Variants in SERTM2 observed in about 807,000 individuals in gnomAD.
SERTM2 encodes the protein serine-rich and transmembrane domain-containing protein 2.
rs1232475603 is a variant in SERTM2, at chrX:111,516,191, T to TGTATGCCTCTGTCTTCTCCTC, written c.-783-1883_-783-1863dup. ...CTAATCTCTGCCTCTGTCTTCTGCT[T>TGTATGCCTCTGTCTTCTCCTC]GTATGCCTCTGTCTTCTCCTCTTCT... On this transcript the variant is annotated intron_variant, in intron 2 of 2. Coordinates refer to ENST00000569275, the MANE Select transcript of SERTM2 (RefSeq NM_001354473.2). 6.5e-4 allele frequency among the ~76,000 whole-genome samples: 68 copies of TGTATGCCTCTGTCTTCTCCTC among 104,422 alleles called. No individual in the cohort carries two copies. In the East Asian group the frequency reaches 0.016, roughly 25 times the overall value. The allele number at this position is 104,422 out of a possible 115,157, so 90.7% of individuals were successfully genotyped here. A position where few individuals can be genotyped will look rare whatever the true frequency, so the allele number is the denominator to read the frequency against.
At position 111,518,965 on chromosome X, in the gene SERTM2, C is replaced by T. The variant is rs779152236; in HGVS notation, c.108C>T (p.Tyr36=). ...CTTCAGACAAGTATTCCAACCTGTA[C>T]ATGTATGTGGGCTTATTCCTGAGCC... ...DTSSDKYSNL[Y]MYVGLFLSLL... The change falls in exon 3 of 3, where the codon TAC becomes TAT. Residue 36 remains tyrosine, a synonymous_variant. Transcript: ENST00000569275. 47 of 296,112 alleles carry T rather than the reference C, an allele frequency of 1.6e-4. No homozygotes were observed. Among genetic ancestry groups the T allele is most frequent in the South Asian group, 1.0e-3 (5 of 4,852 alleles). The allele number at this position is 296,112 out of a possible 1,213,427, so 24.4% of individuals were successfully genotyped here.
At chrX:111,516,720 A>G (rs1018441021) in intron 2 of SERTM2, among the ~76,000 whole-genome samples, 1 of 111,381 alleles carries the variant, frequency 9.0e-6, no homozygotes, top group Non-Finnish European at 1.9e-5. Flanking sequence ...ACTAAGAAAA[A>G]TATGGATTAT....
chrX:111,512,623 G>T (rs1276863204), intron 2 of SERTM2, among the ~76,000 whole-genome samples: 1 of 111,857 alleles, frequency 8.9e-6, no homozygotes, highest in Non-Finnish European at 1.9e-5. Context: ...ACCTAAAAAA[G>T]TGTCTGGAAC....
intron 2 of SERTM2, among the ~76,000 whole-genome samples, chrX:111,516,667 A>G (rs1049289612): frequency 1.8e-5 from 2 of 110,839 alleles, no homozygotes; most frequent in Non-Finnish European, 3.8e-5. Context: ...TTTCTTATGA[A>G]CCAAGTTATT....
chrX:111,515,042 C>G (rs922652657), intron 2 of SERTM2, among the ~76,000 whole-genome samples: 1 of 110,351 alleles, frequency 9.1e-6, no homozygotes, highest in African/African-American at 3.3e-5. Context: ...TATTCTCAAT[C>G]TTAAAGTTGG....
At position 111,521,817 on chromosome X, in the gene SERTM2, T is replaced by C. The variant is rs1034804645; in HGVS notation, c.*2687T>C. On this transcript the variant is annotated 3_prime_UTR_variant, in exon 3 of 3. Transcript: ENST00000569275. ...AATTGCCATTTGATAGGCCAAAAAA[T>C]GCTCAAATATCACCAACTTCATAAA... 9.9e-5 allele frequency: 11 copies of C among 111,215 alleles called. No homozygotes were observed. Among genetic ancestry groups the C allele is most frequent in the African/African-American group, 3.6e-4 (11 of 30,540 alleles). 9.2% of individuals were successfully genotyped at this position (111,215 alleles called of 1,213,427 possible).
In SERTM2 at chrX:111,520,918, T is replaced by A. The variant is rs753091034; in HGVS notation, c.*1788T>A. 8.9e-6 allele frequency: 1 copy of A among 112,116 alleles called. No individual in the cohort carries two copies. The highest frequency in any genetic ancestry group is 2.8e-4 in the East Asian group (1 of 3,550). The allele number at this position is 112,116 out of a possible 1,213,427, so 9.2% of individuals were successfully genotyped here. A position where few individuals can be genotyped will look rare whatever the true frequency, so the allele number is the denominator to read the frequency against. On this transcript the variant is annotated 3_prime_UTR_variant, in exon 3 of 3. Transcript: ENST00000569275. ...GTGTTTATTCAACACCCAGATTCAG[T>A]GGACCCTTTAAAATTTGAGCTTTGG... is the stretch of plus-strand genomic sequence containing the variant.
chrX:111,518,385 G>A lies in SERTM2; in HGVS notation c.-473G>A, dbSNP rs1231496900. On this transcript the variant is annotated 5_prime_UTR_variant, in exon 3 of 3. Transcript: ENST00000569275. ...AAAGCCTTCAGATAGTCTCCTCGCAGAAGAGCCCAATTAAGTCCACATAAT... is the reference window on the plus strand; with the variant it reads ...AAAGCCTTCAGATAGTCTCCTCGCAAAAGAGCCCAATTAAGTCCACATAAT... The A allele has an allele frequency of 8.9e-6, 1 of 112,910 alleles. No individual in the cohort carries two copies. Among genetic ancestry groups the A allele is most frequent in the Non-Finnish European group, 1.8e-5 (1 of 54,068 alleles). 9.3% of individuals were successfully genotyped at this position (112,910 alleles called of 1,213,427 possible).
In SERTM2 at chrX:111,518,601, T is replaced by A; in HGVS notation, c.-257T>A. 1 of 281,319 alleles carries A rather than the reference T, an allele frequency of 3.6e-6. No individual in the cohort carries two copies. The highest frequency in any genetic ancestry group is 6.2e-6 in the Non-Finnish European group (1 of 160,212). 23.2% of individuals were successfully genotyped at this position (281,319 alleles called of 1,213,427 possible). The stretch of plus-strand genomic sequence containing the variant: ...GAAAATAAAACATTACTTGTATTTT[T>A]AAAAATTGATTAAGAAGCTCTGATA... On this transcript the variant is annotated 5_prime_UTR_variant, in exon 3 of 3. Transcript: ENST00000569275.
At chrX:111,516,132 T>C (rs187951333) in intron 2 of SERTM2, among the ~76,000 whole-genome samples, 1 of 106,005 alleles carries the variant, frequency 9.4e-6, no homozygotes, top group Non-Finnish European at 1.9e-5. Flanking sequence ...TTGCTGGCAA[T>C]CCTCAGCATT....
Position 111,520,800 on chromosome X carries a change from A to T in SERTM2, c.*1670A>T, listed in dbSNP as rs1930399504. The T allele has an allele frequency of 8.9e-6, 1 of 112,425 alleles. No homozygotes were observed. 9.3% of individuals were successfully genotyped at this position (112,425 alleles called of 1,213,427 possible). On this transcript the variant is annotated 3_prime_UTR_variant, in exon 3 of 3. Coordinates refer to ENST00000569275, the MANE Select transcript of SERTM2 (RefSeq NM_001354473.2). ...GGAGCTGCACTCTGCATCATTCAAAACAAATTAGCAGATAGGCTAAGACTT... is the reference window on the plus strand; with the variant it reads ...GGAGCTGCACTCTGCATCATTCAAATCAAATTAGCAGATAGGCTAAGACTT...
rs939774254 is a variant in SERTM2 at position 111,522,214 on chromosome X, G to A, written c.*3084G>A. 1 of 111,606 alleles carries A rather than the reference G, an allele frequency of 9.0e-6. No individual in the cohort carries two copies. Among genetic ancestry groups the A allele is most frequent in the African/African-American group, 3.3e-5 (1 of 30,698 alleles). 9.2% of individuals were successfully genotyped at this position (111,606 alleles called of 1,213,427 possible). A position where few individuals can be genotyped will look rare whatever the true frequency, so the allele number is the denominator to read the frequency against. On this transcript the variant is annotated 3_prime_UTR_variant, in exon 3 of 3. Coordinates refer to ENST00000569275, the MANE Select transcript of SERTM2 (RefSeq NM_001354473.2). ...TAATACATTTTATTCACTTGCATTT[G>A]TACAAAAGAACTTTTTTTTAACAAA... is the stretch of plus-strand genomic sequence containing the variant.
rs1930349292 is a variant in SERTM2, at chrX:111,518,142, A to T, written c.-716A>T. 1 of 111,416 alleles carries T rather than the reference A, an allele frequency of 9.0e-6. No homozygotes were observed. Among genetic ancestry groups the T allele is most frequent in the African/African-American group, 3.3e-5 (1 of 30,652 alleles). The allele number at this position is 111,416 out of a possible 1,213,427, so 9.2% of individuals were successfully genotyped here. On this transcript the variant is annotated 5_prime_UTR_variant, in exon 3 of 3. Coordinates refer to ENST00000569275, the MANE Select transcript of SERTM2 (RefSeq NM_001354473.2). ...TGAGCCTAGGCCTACTGCTGTCAGC[A>T]TCTCTGAGACCTCTCTCACCTGAGA...
intron 2 of SERTM2, among the ~76,000 whole-genome samples, chrX:111,513,451 G>C (rs757208019): frequency 8.7e-4 from 97 of 111,536 alleles, no homozygotes; most frequent in Non-Finnish European, 1.3e-3. Context: ...ATATCCTTCA[G>C]AATTAATAGA....
In SERTM2 at chrX:111,519,954, A is replaced by G. The variant is rs1168941778; in HGVS notation, c.*824A>G. The G allele has an allele frequency of 9.0e-6, 1 of 111,702 alleles. No individual in the cohort carries two copies. Among genetic ancestry groups the G allele is most frequent in the East Asian group, 2.8e-4 (1 of 3,568 alleles). 9.2% of individuals were successfully genotyped at this position (111,702 alleles called of 1,213,427 possible). A position where few individuals can be genotyped will look rare whatever the true frequency, so the allele number is the denominator to read the frequency against. On this transcript the variant is annotated 3_prime_UTR_variant, in exon 3 of 3. Coordinates refer to ENST00000569275, the MANE Select transcript of SERTM2 (RefSeq NM_001354473.2). ...TGATGTTGGTATTCTGTTGTTGAATATGGCTTTGGACAAAACATTCAAGCC... is the reference window on the plus strand; with the variant it reads ...TGATGTTGGTATTCTGTTGTTGAATGTGGCTTTGGACAAAACATTCAAGCC...
chrX:111,517,426 A>G (rs1033165767), intron 2 of SERTM2, among the ~76,000 whole-genome samples: 1 of 110,929 alleles, frequency 9.0e-6, no homozygotes, highest in Non-Finnish European at 1.9e-5. Flanking sequence ...CTTTTCTTCT[A>G]TCTCTCTTAT....
In SERTM2 at chrX:111,518,847, A is replaced by C. The variant is rs1160920390; in HGVS notation, c.-11A>C. 3.4e-6 allele frequency: 1 copy of C among 295,871 alleles called. No homozygotes were observed. The highest frequency in any genetic ancestry group is 2.7e-5 in the African/African-American group (1 of 36,439). 24.4% of individuals were successfully genotyped at this position (295,871 alleles called of 1,213,427 possible). A position where few individuals can be genotyped will look rare whatever the true frequency, so the allele number is the denominator to read the frequency against. ...TCAAATAGAAACACATACTAACTCAAGTCTTGAGTGATGATGGAGGCGCAT... is the reference window on the plus strand; with the variant it reads ...TCAAATAGAAACACATACTAACTCACGTCTTGAGTGATGATGGAGGCGCAT... On this transcript the variant is annotated 5_prime_UTR_variant, in exon 3 of 3. Transcript: ENST00000569275.
chrX:111,518,819 A>G lies in SERTM2; in HGVS notation c.-39A>G, dbSNP rs1434072213. 4.1e-5 allele frequency: 12 copies of G among 295,624 alleles called. No homozygotes were observed. Among genetic ancestry groups the G allele is most frequent in the Non-Finnish European group, 5.9e-5 (10 of 169,774 alleles). The allele number at this position is 295,624 out of a possible 1,213,427, so 24.4% of individuals were successfully genotyped here. A position where few individuals can be genotyped will look rare whatever the true frequency, so the allele number is the denominator to read the frequency against. On this transcript the variant is annotated 5_prime_UTR_variant, in exon 3 of 3. Transcript: ENST00000569275. ...CTGTGAAATGCCTCAAGGGCAGTAG[A>G]AATCAAATAGAAACACATACTAACT...
At position 111,519,399 on chromosome X, in the gene SERTM2, G is replaced by A. The variant is rs775632390; in HGVS notation, c.*269G>A. ...TTCCATAGTAACCAAACAGTGCCTG[G>A]GCCTTGCACAAACCTCAGACCACAG... On this transcript the variant is annotated 3_prime_UTR_variant, in exon 3 of 3. Coordinates refer to ENST00000569275, the MANE Select transcript of SERTM2 (RefSeq NM_001354473.2). 1 of 185,778 alleles carries A rather than the reference G, an allele frequency of 5.4e-6. No homozygotes were observed. Among genetic ancestry groups the A allele is most frequent in the East Asian group, 9.6e-5 (1 of 10,366 alleles). The allele number at this position is 185,778 out of a possible 1,213,427, so 15.3% of individuals were successfully genotyped here. A position where few individuals can be genotyped will look rare whatever the true frequency, so the allele number is the denominator to read the frequency against.
Sources: allele counts gnomAD v4.1 joint callset (sites outside exome capture counted in the v4.1 genomes callset), GRCh38; gene constraint gnomAD v4.1.1; transcripts MANE v1.5; gene names NCBI Gene and HGNC (gene_info 2026-07-23, HGNC 2026-07-21).